BIRC6: variants seen among roughly 807,000 people sequenced by gnomAD.
The protein encoded by BIRC6 is baculoviral IAP repeat containing 6, also known as dual E2 ubiquitin-conjugating enzyme/E3 ubiquitin-protein ligase BIRC6.
A neutral mutation model predicts 503.3 loss-of-function variants in BIRC6; 98 were observed. The ratio of observed to expected loss-of-function variants is 0.19; its 90% CI spans 0.17 to 0.23. BIRC6 has a LOEUF of 0.23. Ranked by LOEUF, BIRC6 falls within the 10% of genes least tolerant of loss-of-function variation. The probability of loss-of-function intolerance (pLI) is 1.00; values close to 1 mark genes in which losing one functional copy is unlikely to be tolerated. For synonymous variants in BIRC6, 2,240 were observed against 2,078.7 expected (o/e 1.08, Z -2.11); for missense variants, 5,360 against 5,806.0 (o/e 0.92, Z 2.50).
intron 1 of BIRC6, among the ~76,000 whole-genome samples, chr2:32,366,554 T>C (rs2034959456): frequency 6.6e-6 from 1 of 152,130 alleles, no homozygotes. Context: ...TAAGTATATA[T>C]AGAACTTAAA....
chr2:32,498,028 A>C (rs2052692553), intron 45 of BIRC6, among the ~76,000 whole-genome samples: 1 of 152,196 alleles, frequency 6.6e-6, no homozygotes, highest in Admixed American at 6.5e-5. Context: ...AACTTTTAAA[A>C]TAATTTCATT....
chr2:32,504,523 T>C (rs1251307334), intron 49 of BIRC6, among the ~76,000 whole-genome samples: 1 of 151,714 alleles, frequency 6.6e-6, no homozygotes, highest in Non-Finnish European at 1.5e-5. Context: ...AAAAATTAGC[T>C]GGGCGTGGTT....
At position 32,433,733 on chromosome 2, in the gene BIRC6, A is replaced by C. The variant is rs769986737; in HGVS notation, c.3338A>C (p.Asn1113Thr). ...GACTTCAAATTCGTTTTGAACTCAA[A>C]CATCACCAATATTCCACAGATACAA... The part of the protein sequence containing the change: ...HVDFKFVLNS[N>T]ITNIPQIQVT... The change falls in exon 13 of 74, where the codon AAC becomes ACC. Residue 1113 changes from asparagine (N) to threonine (T), a missense_variant. Asn to Thr is a moderately conservative substitution (Grantham distance 65). This residue lies in a region of BIRC6 where 2,299 missense variants were observed against 2,267.2 expected (regional missense o/e 1.01). Transcript: ENST00000421745. 2 of 1,603,618 alleles carry C rather than the reference A, an allele frequency of 1.2e-6. No homozygotes were observed. The highest frequency in any genetic ancestry group is 1.7e-6 in the Non-Finnish European group (2 of 1,172,674).
intron 39 of BIRC6, among the ~76,000 whole-genome samples, chr2:32,483,436 T>C (rs1219496809): frequency 6.6e-6 from 1 of 152,252 alleles, no homozygotes; most frequent in Admixed American, 6.5e-5. Context: ...ATTTTTGTTT[T>C]GTTTTGTTTT....
intron 33 of BIRC6, among the ~76,000 whole-genome samples, chr2:32,474,200 TTTTTAA>T (rs1253449236): frequency 1.3e-5 from 2 of 152,194 alleles, no homozygotes. Context: ...ATGGGGCTTT[TTTTTAA>T]AGGTAGACTT....
intron 65 of BIRC6, among the ~76,000 whole-genome samples, chr2:32,556,746 C>T (rs1364565387): frequency 3.3e-5 from 5 of 152,060 alleles, no homozygotes; most frequent in African/African-American, 7.2e-5. Flanking sequence ...GTCAGGAGTT[C>T]GAGCCCGGCC....
At chr2:32,377,442 G>T in intron 1 of BIRC6, 146 bp from the exon 2 acceptor site, 1 of 498,952 alleles carries the variant, frequency 2.0e-6, no homozygotes, top group East Asian at 3.6e-5. Flanking sequence ...AATCCAGTTG[G>T]CCCAATAATG....
In BIRC6 at chr2:32,545,715, G is replaced by C; in HGVS notation, c.12665G>C (p.Ser4222Thr). The change falls in exon 63 of 74, where the codon AGC becomes ACC. Residue 4222 changes from serine to threonine, a missense_variant. By Grantham distance (58) the Ser-to-Thr change is moderately conservative. Transcript: ENST00000421745. ...LPFHVLRSLF[S>T]TTPLTTDDGV... ...TTCCACGTCCTTCGTAGCTTGTTTA[G>C]CACTACACCTTTGACAACTGATGAT... is the stretch of plus-strand genomic sequence containing the variant. 6.2e-7 allele frequency: 1 copy of C among 1,613,782 alleles called. No homozygotes were observed. The highest frequency in any genetic ancestry group is 8.5e-7 in the Non-Finnish European group (1 of 1,179,820).
intron 51 of BIRC6, 109 bp from the exon 52 acceptor site, chr2:32,509,629 G>C: frequency 8.0e-7 from 1 of 1,246,766 alleles, no homozygotes; most frequent in Non-Finnish European, 1.1e-6. Flanking sequence ...TCTTAGATTG[G>C]TTAATGCTGT....
At position 32,515,046 on chromosome 2, in the gene BIRC6, T is replaced by C; in HGVS notation, c.10625T>C (p.Val3542Ala). ...TGCAATATGGTTTTGAAGAAAGCTG[T>C]TGACAGTCTACTTTGCTCAATGTGT... is the stretch of plus-strand genomic sequence containing the variant. Reference protein sequence around the residue: ...LPCNMVLKKAVDSLLCSMCHV... With the variant: ...LPCNMVLKKAADSLLCSMCHV... The change falls in exon 55 of 74, where the codon GTT (valine) becomes GCT (alanine). Residue 3542 changes from valine to alanine, a missense_variant. Physicochemically the swap from Val to Ala is moderately conservative, Grantham distance 64 (BLOSUM62 0). Coordinates refer to ENST00000421745, the MANE Select transcript of BIRC6 (RefSeq NM_016252.4). 6.2e-7 allele frequency: 1 copy of C among 1,614,012 alleles called. No homozygotes were observed. Among genetic ancestry groups the C allele is most frequent in the South Asian group, 1.1e-5 (1 of 91,088 alleles).
intron 65 of BIRC6, chr2:32,565,567 GT>G (rs2059480164): frequency 6.6e-6 from 1 of 152,106 alleles, no homozygotes; most frequent in Non-Finnish European, 1.5e-5. Context: ...GTTACAGATA[GT>G]ACTAACCAGT....
intron 1 of BIRC6, among the ~76,000 whole-genome samples, chr2:32,371,750 TTAGTTAATAGCA>T (rs1415506948): frequency 2.0e-5 from 3 of 152,126 alleles, no homozygotes; most frequent in African/African-American, 7.2e-5. Context: ...TACCCCCTCC[TTAGTTAATAGCA>T]TAGTTAATAG....
rs140493343 is a variant in BIRC6, at chr2:32,543,699, A to C, written c.12592+158A>C. The stretch of plus-strand genomic sequence containing the variant: ...CTTCCAGTATTAGTTATACATAATA[A>C]ATCCTAAAGAATCTTCATTTTCATC... On this transcript the variant is annotated intron_variant, in intron 62 of 73. Transcript: ENST00000421745. Among the ~76,000 whole-genome samples, 1,013 of 152,354 alleles carry C rather than the reference A, an allele frequency of 6.6e-3. 9 individuals carry two copies. The highest frequency in any genetic ancestry group is 0.014 in the Admixed American group (212 of 15,302).
At chr2:32,610,850 C>T (rs2062823188) in intron 72 of BIRC6, among the ~76,000 whole-genome samples, 1 of 146,264 alleles carries the variant, frequency 6.8e-6, no homozygotes, top group Admixed American at 6.8e-5. Flanking sequence ...TTCACTGCAA[C>T]CTCTGCCTCC....
At position 32,535,150 on chromosome 2, in the gene BIRC6, C is replaced by CAAA. The variant is rs1158856665; in HGVS notation, c.12291+3623_12291+3625dup. Among the ~76,000 whole-genome samples the CAAA allele has an allele frequency of 3.6e-3, 26 of 7,276 alleles. 2 individuals are homozygous for CAAA. Among genetic ancestry groups the CAAA allele is most frequent in the African/African-American group, 5.2e-3 (12 of 2,320 alleles). The allele number at this position is 7,276 out of a possible 152,430, so 4.8% of individuals were successfully genotyped here. A position where few individuals can be genotyped will look rare whatever the true frequency, so the allele number is the denominator to read the frequency against. On this transcript the variant is annotated intron_variant, in intron 61 of 73. Transcript: ENST00000421745. ...ACAAGACCTCATACCCCCAAAAAAG[C>CAAA]AAAAAAAAAAAAAAAAAAAAAAAAA...
intron 33 of BIRC6, among the ~76,000 whole-genome samples, chr2:32,475,308 G>A (rs924881183): frequency 1.3e-5 from 2 of 151,972 alleles, no homozygotes; most frequent in Non-Finnish European, 2.9e-5. Flanking sequence ...GTAACTTTCT[G>A]TGTACATGCT....
chr2:32,424,762 C>T (rs1191737760), intron 10 of BIRC6, among the ~76,000 whole-genome samples: 3 of 152,134 alleles, frequency 2.0e-5, no homozygotes, highest in African/African-American at 7.2e-5. Flanking sequence ...ATCCTCCCAC[C>T]TCGCCCACCC....
chr2:32,545,586 C>T, intron 62 of BIRC6, 57 bp from the exon 63 acceptor site: 1 of 1,416,278 alleles, frequency 7.1e-7, no homozygotes, highest in East Asian at 2.3e-5. Flanking sequence ...CTGTATGTAA[C>T]TTCTTATGTG....
intron 1 of BIRC6, among the ~76,000 whole-genome samples, chr2:32,371,868 C>T (rs866731566): frequency 1.3e-5 from 2 of 152,048 alleles, no homozygotes; most frequent in African/African-American, 2.4e-5. Context: ...TGCAATGGCG[C>T]GATCTCGGCT....
Sources: allele counts gnomAD v4.1 joint callset (sites outside exome capture counted in the v4.1 genomes callset), GRCh38; gene constraint gnomAD v4.1.1; regional missense constraint gnomAD v4.1.1; transcripts MANE v1.5; gene names NCBI Gene and HGNC (gene_info 2026-07-23, HGNC 2026-07-21).